ROR2: variants seen among roughly 807,000 people sequenced by gnomAD.
ROR2 encodes ROR family WNT receptor 2, also known as tyrosine-protein kinase transmembrane receptor ROR2.
Under a neutral mutation model 74.9 loss-of-function variants are expected in ROR2, and 33 were observed. That is an observed-to-expected ratio of 0.44 (90% CI 0.33 to 0.59). The LOEUF is 0.59. Ranked by LOEUF, ROR2 falls within the 20% of genes least tolerant of loss-of-function variation. The probability of loss-of-function intolerance (pLI) is 0.02; values close to 1 mark genes in which losing one functional copy is unlikely to be tolerated. For synonymous variants in ROR2, 586 were observed against 558.7 expected, an observed-to-expected ratio of 1.05 and a Z score of -0.69; for missense variants, 1,216 against 1,313.8, an observed-to-expected ratio of 0.93 and a Z score of 1.15.
intron 6 of ROR2, among the ~76,000 whole-genome samples, chr9:91,731,652 A>G (rs1046646873): frequency 6.6e-6 from 1 of 151,874 alleles, no homozygotes; most frequent in Non-Finnish European, 1.5e-5. Flanking sequence ...GCTGCTCTAA[A>G]CCCTCCTGGC....
intron 1 of ROR2, among the ~76,000 whole-genome samples, chr9:91,877,370 G>T (rs370720279): frequency 6.6e-6 from 1 of 152,162 alleles, no homozygotes; most frequent in Non-Finnish European, 1.5e-5. Flanking sequence ...CTGTCAGGGG[G>T]TACATGGCTA....
intron 1 of ROR2, among the ~76,000 whole-genome samples, chr9:91,866,820 C>T (rs1829648190): frequency 6.6e-6 from 1 of 152,108 alleles, no homozygotes; most frequent in African/African-American, 2.4e-5. Flanking sequence ...TTTCCATTTT[C>T]CCCAAAAGTT....
At chr9:91,940,489 T>G (rs1831820394) in intron 1 of ROR2, among the ~76,000 whole-genome samples, 1 of 152,190 alleles carries the variant, frequency 6.6e-6, no homozygotes, top group South Asian at 2.1e-4. Flanking sequence ...AAGACAGAGA[T>G]TTTCAGTCCC....
Position 91,905,108 on chromosome 9 carries a change from C to T in ROR2, c.97+44759G>A, listed in dbSNP as rs531435051. Among the ~76,000 whole-genome samples, 3 of 151,492 alleles carry T rather than the reference C, an allele frequency of 2.0e-5. No individual in the cohort carries two copies. In the South Asian group the frequency reaches 6.3e-4, roughly 32 times the overall value. Reference sequence around the variant, plus strand: ...CAGCACATACACAAAACTCATACACCACAAACCACATATCACACACACACC... The same window carrying T: ...CAGCACATACACAAAACTCATACACTACAAACCACATATCACACACACACC... On this transcript the variant is annotated intron_variant, in intron 1 of 8. Coordinates refer to ENST00000375708, the MANE Select transcript of ROR2 (RefSeq NM_004560.4). This position sits in a 1 kb window ranked among gnomAD's most constrained non-coding sequence, Gnocchi z 5.3.
At chr9:91,776,656 G>C (rs1826428878) in intron 1 of ROR2, among the ~76,000 whole-genome samples, 3 of 152,176 alleles carry the variant, frequency 2.0e-5, no homozygotes, top group Admixed American at 2.0e-4. Context: ...CTACATAACA[G>C]AGGCTGACAT....
chr9:91,947,317 G>A (rs867441863), intron 1 of ROR2, among the ~76,000 whole-genome samples: 14 of 152,192 alleles, frequency 9.2e-5, no homozygotes, highest in Non-Finnish European at 2.1e-4. Context: ...GGTCCACGGC[G>A]ATCAGATTTT....
At position 91,771,232 on chromosome 9, in the gene ROR2, G is replaced by C. The variant is rs542751950; in HGVS notation, c.175+4509C>G. Among the ~76,000 whole-genome samples the C allele has an allele frequency of 2.6e-5, 4 of 152,314 alleles. No homozygotes were observed. The South Asian group carries it at 8.3e-4, about 32-fold the overall frequency. On this transcript the variant is annotated intron_variant, in intron 2 of 8. Transcript: ENST00000375708. ...TGAAGTCGAGAGACACAGCTCGCCG[G>C]GTCTATTTTGGCTGAGCCAGAACAG...
At chr9:91,767,558 G>A (rs1298773745) in intron 2 of ROR2, among the ~76,000 whole-genome samples, 1 of 152,214 alleles carries the variant, frequency 6.6e-6, no homozygotes, top group African/African-American at 2.4e-5. Flanking sequence ...AAATTTCCTG[G>A]AAGGGCACAT....
intron 1 of ROR2, among the ~76,000 whole-genome samples, chr9:91,776,241 A>G (rs1733552056): frequency 6.6e-6 from 1 of 152,168 alleles, no homozygotes. Flanking sequence ...TCAGAGTTGG[A>G]GAATTTCTTA....
chr9:91,824,344 C>T (rs1828221494), intron 1 of ROR2, among the ~76,000 whole-genome samples: 1 of 152,244 alleles, frequency 6.6e-6, no homozygotes, highest in Admixed American at 6.5e-5. Flanking sequence ...GGCCTCTCCA[C>T]TCAGGGTGTG....
At chr9:91,846,799 A>G (rs1249359035) in intron 1 of ROR2, among the ~76,000 whole-genome samples, 1 of 152,134 alleles carries the variant, frequency 6.6e-6, no homozygotes, top group Non-Finnish European at 1.5e-5. Context: ...AGACCCTTGG[A>G]AAGCCACTGG....
chr9:91,755,060 G>C (rs553946600), intron 4 of ROR2, among the ~76,000 whole-genome samples: 60 of 152,254 alleles, frequency 3.9e-4, no homozygotes, highest in African/African-American at 1.4e-3. Flanking sequence ...GAGGCTGAAG[G>C]GGGAGGATGG....
At chr9:91,788,590 C>T (rs941093953) in intron 1 of ROR2, among the ~76,000 whole-genome samples, 3 of 151,934 alleles carry the variant, frequency 2.0e-5, no homozygotes, top group Non-Finnish European at 2.9e-5. Context: ...GCAGGCCAGG[C>T]GTGGTGGCTC....
At chr9:91,938,064 A>G (rs915385479) in intron 1 of ROR2, among the ~76,000 whole-genome samples, 1 of 152,184 alleles carries the variant, frequency 6.6e-6, no homozygotes, top group Non-Finnish European at 1.5e-5. Context: ...GTTAGAGTAA[A>G]TAAGTAAATA....
chr9:91,949,804 G>T, intron 1 of ROR2, 63 bp downstream of exon 1: 1 of 1,068,074 alleles, frequency 9.4e-7, no homozygotes, highest in African/African-American at 1.6e-5. Context: ...AGTGGCGGCG[G>T]AAGGGCTGGC....
At chr9:91,842,495 C>G (rs1296190742) in intron 1 of ROR2, among the ~76,000 whole-genome samples, 1 of 152,242 alleles carries the variant, frequency 6.6e-6, no homozygotes, top group African/African-American at 2.4e-5. Context: ...TGTCCTCACC[C>G]CGTGCGTTAG....
intron 4 of ROR2, among the ~76,000 whole-genome samples, chr9:91,747,255 A>G (rs1250593844): frequency 6.6e-6 from 1 of 152,190 alleles, no homozygotes; most frequent in Non-Finnish European, 1.5e-5. Context: ...CTCACCCCCA[A>G]TTAAACAGGG....
At chr9:91,745,235 C>G (rs967949227) in intron 4 of ROR2, among the ~76,000 whole-genome samples, 16 of 149,380 alleles carry the variant, frequency 1.1e-4, no homozygotes, top group African/African-American at 3.9e-4. Context: ...AAGCAATTCT[C>G]CTGCCTCAGT....
chr9:91,746,148 C>T (rs1258272283), intron 4 of ROR2, among the ~76,000 whole-genome samples: 2 of 150,728 alleles, frequency 1.3e-5, no homozygotes, highest in Non-Finnish European at 3.0e-5. Context: ...GTGATCTCGG[C>T]TCACTGCAAC....
Sources: gnomAD v4.1 joint callset for allele counts (sites outside exome capture counted in the v4.1 genomes callset) on GRCh38, gnomAD v4.1.1 for gene constraint, Gnocchi (gnomAD v3.1) non-coding constraint, MANE v1.5 for transcripts, NCBI Gene and HGNC (gene_info 2026-07-23, HGNC 2026-07-21) for gene names.